Variants in CFAP43 observed in about 807,000 individuals in gnomAD.
CFAP43 encodes cilia and flagella associated protein 43.
In CFAP43, 155 loss-of-function variants were observed where a neutral mutation model predicts 218.9. The observed-to-expected ratio is 0.71, with a 90% CI of 0.62 to 0.81. The LOEUF (loss-of-function observed/expected upper bound fraction) is 0.81. CFAP43 is among the 30% of genes least tolerant of loss of function. The pLI, the probability that CFAP43 is intolerant of heterozygous loss-of-function variation, is 0.00. For missense variants in CFAP43, 1,778 were observed against 1,954.3 expected, an observed-to-expected ratio of 0.91 and a Z score of 1.70; for synonymous variants, 645 against 681.3, an observed-to-expected ratio of 0.95 and a Z score of 0.83.
Position 104,185,150 on chromosome 10 carries a change from A to G in CFAP43, c.2011-4T>C, listed in dbSNP as rs551478850. Reference sequence around the variant, plus strand: ...TCCGACACCAAGCAAATGTTTCCTCAATAGTTAAGAAATAAACCAGAAAAA... The same window carrying G: ...TCCGACACCAAGCAAATGTTTCCTCGATAGTTAAGAAATAAACCAGAAAAA... On this transcript the variant is annotated splice_region_variant and splice_polypyrimidine_tract_variant and intron_variant, in intron 15 of 37. Coordinates refer to ENST00000357060, the MANE Select transcript of CFAP43 (RefSeq NM_025145.7). The G allele has an allele frequency of 1.9e-6, 3 of 1,613,626 alleles. No individual in the cohort carries two copies. The highest frequency in any genetic ancestry group is 2.5e-6 in the Non-Finnish European group (3 of 1,179,882).
chr10:104,137,179 T>C (rs2087491225), intron 34 of CFAP43, among the ~76,000 whole-genome samples: 1 of 152,194 alleles, frequency 6.6e-6, no homozygotes, highest in Non-Finnish European at 1.5e-5. Context: ...TGAACAGTTA[T>C]AGGCACCACA....
At position 104,186,207 on chromosome 10, in the gene CFAP43, A is replaced by G. The variant is rs529792229; in HGVS notation, c.1861-84T>C. Reference sequence around the variant, plus strand: ...GTTTGCAGATATACATGCCTGTTGTATATTGTCATTGTAAATAAAATGATA... The same window carrying G: ...GTTTGCAGATATACATGCCTGTTGTGTATTGTCATTGTAAATAAAATGATA... On this transcript the variant is annotated intron_variant, in intron 14 of 37. Coordinates refer to ENST00000357060, the MANE Select transcript of CFAP43 (RefSeq NM_025145.7). 519 of 1,113,152 alleles carry G rather than the reference A, an allele frequency of 4.7e-4. 2 individuals are homozygous for G. The highest frequency in any genetic ancestry group is 6.6e-4 in the Admixed American group (23 of 34,998). The allele number at this position is 1,113,152 out of a possible 1,614,324, so 69.0% of individuals were successfully genotyped here.
intron 27 of CFAP43, among the ~76,000 whole-genome samples, chr10:104,160,606 A>G (rs76195242): frequency 0.12 from 18,793 of 152,278 alleles, 1,287 homozygotes; most frequent in Middle Eastern, 0.19. Flanking sequence ...TAAATAATGT[A>G]CTGCATTGAT....
Position 104,172,532 on chromosome 10 carries a change from G to C in CFAP43, c.2464C>G (p.Leu822Val), listed in dbSNP as rs1215715638. ...QGIKSLSKTI[L>V]NMMEENDKLE... is the part of the protein sequence containing the mutation. ...TTGTCATTTTCTTCCATCATATTCA[G>C]AATCTGAATGTTGAAATAAAAAAGA... Residue 822 changes from leucine to valine, a missense_variant, in exon 20 of 38, where the codon CTG (leucine) becomes GTG (valine). By Grantham distance (32) the Leu-to-Val change is conservative. Around this residue, in one of 3 missense-constraint regions of CFAP43, gnomAD observed 1,553 missense variants for 1,685.2 expected, o/e 0.92. Transcript: ENST00000357060. 16 of 1,586,882 alleles carry C rather than the reference G, an allele frequency of 1.0e-5. No individual in the cohort carries two copies. Among genetic ancestry groups the C allele is most frequent in the African/African-American group, 1.4e-5 (1 of 73,216 alleles).
At chr10:104,217,392 A>C (rs1485092160) in intron 3 of CFAP43, among the ~76,000 whole-genome samples, 1 of 151,038 alleles carries the variant, frequency 6.6e-6, no homozygotes, top group Non-Finnish European at 1.5e-5. Context: ...TTAGTGTTCC[A>C]GGCATTTTAA....
rs2087809884 is a variant in CFAP43, at chr10:104,143,603, G to A, written c.3981C>T (p.Ser1327=). 12 of 1,614,176 alleles carry A rather than the reference G, an allele frequency of 7.4e-6. 1 individual carries two copies. The highest frequency in any genetic ancestry group is 2.2e-5 in the East Asian group (1 of 44,880). ...CTGGTAGTTCTCCGAAAGGGACAACGCTGGTTGTTTCTGAGTGCGTTTTCT... is the reference window on the plus strand; with the variant it reads ...CTGGTAGTTCTCCGAAAGGGACAACACTGGTTGTTTCTGAGTGCGTTTTCT... ...SKQKTHSETT[S]VVPFGELPGS... is the part of the protein sequence containing the mutation. Residue 1327 remains serine, a synonymous_variant, in exon 32 of 38, where the codon AGC becomes AGT. Transcript: ENST00000357060.
At chr10:104,130,342 T>G (rs779152905) in intron 37 of CFAP43, 37 bp from the exon 38 acceptor site, 2 of 1,582,056 alleles carry the variant, frequency 1.3e-6, no homozygotes, top group African/African-American at 1.4e-5. Context: ...CGATTATTTA[T>G]CAATACTTTC....
Position 104,167,626 on chromosome 10 carries a change from G to A in CFAP43, c.2803C>T (p.Leu935Phe). The A allele has an allele frequency of 6.2e-7, 1 of 1,605,238 alleles. No homozygotes were observed. The highest frequency in any genetic ancestry group is 1.1e-5 in the South Asian group (1 of 89,356). ...ATGTATATTTAAAATAGTACTTTAA[G>A]ACACTCTGCTTCAATCTTCTTTTGC... ...LQQKKIEAECLKLRKEIVEAQ... is the reference protein window; with the variant it reads ...LQQKKIEAECFKLRKEIVEAQ... Residue 935 changes from leucine to phenylalanine, a missense_variant, in exon 22 of 38, where the codon CTT (leucine) becomes TTT (phenylalanine). Leu to Phe is a conservative substitution (Grantham distance 22, BLOSUM62 0). Around this residue, in one of 3 missense-constraint regions of CFAP43, gnomAD observed 1,553 missense variants for 1,685.2 expected, o/e 0.92. Coordinates refer to ENST00000357060, the MANE Select transcript of CFAP43 (RefSeq NM_025145.7).
intron 9 of CFAP43, among the ~76,000 whole-genome samples, chr10:104,197,519 G>T (rs890455977): frequency 3.2e-4 from 49 of 152,174 alleles, no homozygotes; most frequent in Non-Finnish European, 3.1e-4. Context: ...TGGTGCTGCT[G>T]CATTACCTGG....
chr10:104,202,774 T>C (rs2090569218), intron 8 of CFAP43, among the ~76,000 whole-genome samples: 1 of 151,976 alleles, frequency 6.6e-6, no homozygotes, highest in African/African-American at 2.4e-5. Context: ...TCTCCATAGA[T>C]ATTTTAAGTT....
Position 104,230,800 on chromosome 10 carries a change from C to G in CFAP43, c.109G>C (p.Asp37His), listed in dbSNP as rs760232988. Residue 37 changes from aspartate to histidine, a missense_variant, in exon 2 of 38, where the codon GAC becomes CAC. Physicochemically the swap from Asp to His is moderately conservative, Grantham distance 81. This residue lies in a region of CFAP43 where 1,553 missense variants were observed against 1,685.2 expected (regional missense o/e 0.92). Coordinates refer to ENST00000357060, the MANE Select transcript of CFAP43 (RefSeq NM_025145.7). The part of the protein sequence containing the change: ...FPKQNVHFVN[D>H]NTICYPCGNY... ...CCACAAGGGTAGCAAATGGTGTTGT[C>G]GTTGACAAAATGAACATTCTGCTTA... 20 of 1,613,252 alleles carry G rather than the reference C, an allele frequency of 1.2e-5. No individual in the cohort carries two copies. The African/African-American group carries it at 1.9e-4, about 15-fold the overall frequency.
At chr10:104,189,009 C>G (rs2090123138) in intron 12 of CFAP43, among the ~76,000 whole-genome samples, 1 of 152,174 alleles carries the variant, frequency 6.6e-6, no homozygotes, top group South Asian at 2.1e-4. Context: ...CAGCAGATGA[C>G]CTTCCCTCTT....
rs984564893 is a variant in CFAP43 at position 104,219,788 on chromosome 10, G to A, written c.417-5362C>T. 6.6e-5 allele frequency among the ~76,000 whole-genome samples: 10 copies of A among 152,224 alleles called. No individual in the cohort carries two copies. In the East Asian group the frequency reaches 1.4e-3, roughly 21 times the overall value. ...CTCTCATGGCAAATCTCTTGTTCCC[G>A]TTATCATGACCTTTTCATTGAAACC... On this transcript the variant is annotated intron_variant, in intron 3 of 37. Transcript: ENST00000357060.
chr10:104,145,458 A>G lies in CFAP43; in HGVS notation c.3944+18T>C. On this transcript the variant is annotated intron_variant, in intron 31 of 37. Transcript: ENST00000357060. ...CAAACTTTTTTCTCAGAAACACAATAGTGAAGGAGAAACAAACCTTGGTCG... is the reference window on the plus strand; with the variant it reads ...CAAACTTTTTTCTCAGAAACACAATGGTGAAGGAGAAACAAACCTTGGTCG... The G allele has an allele frequency of 6.4e-7, 1 of 1,555,200 alleles. No individual in the cohort carries two copies. Among genetic ancestry groups the G allele is most frequent in the Non-Finnish European group, 8.8e-7 (1 of 1,134,862 alleles).
intron 27 of CFAP43, among the ~76,000 whole-genome samples, chr10:104,157,775 T>TGTGTGA (rs1484523345): frequency 6.7e-5 from 6 of 90,106 alleles, no homozygotes; most frequent in East Asian, 3.4e-4. Flanking sequence ...TGTGTGTGTG[T>TGTGTGA]GAGAGAGAGA....
chr10:104,155,426 A>T (rs1408464889), intron 27 of CFAP43, among the ~76,000 whole-genome samples: 1 of 152,172 alleles, frequency 6.6e-6, no homozygotes, highest in Non-Finnish European at 1.5e-5. Flanking sequence ...ACCATCATAG[A>T]TGGCACCCTG....
Position 104,167,630 on chromosome 10 carries a change from C to T in CFAP43, c.2799G>A (p.Glu933=), listed in dbSNP as rs1446072249. The T allele has an allele frequency of 3.7e-6, 6 of 1,607,160 alleles. No homozygotes were observed. The highest frequency in any genetic ancestry group is 1.3e-5 in the African/African-American group (1 of 74,504). Residue 933 remains glutamate, a synonymous_variant, in exon 22 of 38, where the codon GAG becomes GAA. Coordinates refer to ENST00000357060, the MANE Select transcript of CFAP43 (RefSeq NM_025145.7). ...ATATTTAAAATAGTACTTTAAGACA[C>T]TCTGCTTCAATCTTCTTTTGCTGTA... ...RVLQQKKIEA[E]CLKLRKEIVE... is the part of the protein sequence containing the mutation.
At chr10:104,174,754 T>C (rs927806095) in intron 19 of CFAP43, among the ~76,000 whole-genome samples, 3 of 152,040 alleles carry the variant, frequency 2.0e-5, no homozygotes, top group African/African-American at 7.2e-5. Context: ...AAGTATTATA[T>C]ATTTAATGAA....
rs1324852148 is a variant in CFAP43 at position 104,182,369 on chromosome 10, G to A, written c.2286C>T (p.His762=). ...VSVDLGSDSE[H]TKQKASTDLS... The stretch of plus-strand genomic sequence containing the variant: ...GCTAGTCATATAGGAACTCAACTGT[G>A]TGTTCAGAATCGGATCCCAAATCTA... The change falls in exon 17 of 38, where the codon CAC becomes CAT. Residue 762 remains histidine, a synonymous_variant. Coordinates refer to ENST00000357060, the MANE Select transcript of CFAP43 (RefSeq NM_025145.7). The A allele has an allele frequency of 6.3e-7, 1 of 1,597,418 alleles. No homozygotes were observed. Among genetic ancestry groups the A allele is most frequent in the Non-Finnish European group, 8.5e-7 (1 of 1,174,636 alleles).
Sources: gnomAD v4.1 joint callset for allele counts (sites outside exome capture counted in the v4.1 genomes callset) on GRCh38, gnomAD v4.1.1 for gene constraint, gnomAD v4.1.1 regional missense constraint, MANE v1.5 for transcripts, NCBI Gene and HGNC (gene_info 2026-07-23, HGNC 2026-07-21) for gene names.